ERGIC1: variants seen among roughly 807,000 people sequenced by gnomAD.
ERGIC1 encodes the protein endoplasmic reticulum-Golgi intermediate compartment protein 1.
ERGIC1 carries 19 observed loss-of-function variants against 38.3 expected under a neutral mutation model. That is an observed-to-expected ratio of 0.50 (90% CI 0.35 to 0.73). ERGIC1 has a LOEUF of 0.73. Ranked by LOEUF, ERGIC1 falls within the 30% of genes least tolerant of loss-of-function variation. ERGIC1 has a pLI of 0.01. For synonymous variants in ERGIC1, 124 were observed against 157.6 expected (o/e 0.79, Z 1.60); for missense variants, 294 against 389.2 (o/e 0.76, Z 2.06).
rs897395390 is a variant in ERGIC1 at position 172,923,944 on chromosome 5, C to T, written c.376-61C>T. ...CTCCCTGGATCACACAGGGTGAGGCCCCAATGTTCCGCCCCCTGGAGAAGT... is the reference window on the plus strand; with the variant it reads ...CTCCCTGGATCACACAGGGTGAGGCTCCAATGTTCCGCCCCCTGGAGAAGT... On this transcript the variant is annotated intron_variant, in intron 5 of 9. Transcript: ENST00000393784. 4 of 1,458,790 alleles carry T rather than the reference C, an allele frequency of 2.7e-6. No individual in the cohort carries two copies. The African/African-American group carries it at 4.2e-5, about 15-fold the overall frequency. 90.4% of individuals were successfully genotyped at this position (1,458,790 alleles called of 1,614,324 possible). A position where few individuals can be genotyped will look rare whatever the true frequency, so the allele number is the denominator to read the frequency against.
At position 172,849,904 on chromosome 5, in the gene ERGIC1, G is replaced by A. The variant is rs115933855; in HGVS notation, c.20+15471G>A. On this transcript the variant is annotated intron_variant, in intron 1 of 9. Transcript: ENST00000393784. ...GTAAAAACATTCACTCAGCATCTCT[G>A]GGGTATCAGGAGCAGTGCTACAAAC... Among the ~76,000 whole-genome samples, 793 of 152,306 alleles carry A rather than the reference G, an allele frequency of 5.2e-3. 10 individuals are homozygous for A. The highest frequency in any genetic ancestry group is 0.018 in the African/African-American group (739 of 41,562).
Position 172,834,417 on chromosome 5 carries a change from C to A in ERGIC1, c.4C>A (p.Pro2Thr). 7.5e-7 allele frequency: 1 copy of A among 1,337,334 alleles called. No homozygotes were observed. The highest frequency in any genetic ancestry group is 1.9e-5 in the South Asian group (1 of 51,726). The allele number at this position is 1,337,334 out of a possible 1,614,324, so 82.8% of individuals were successfully genotyped here. MPFDFRRFDIYR... is the reference protein window; with the variant it reads MTFDFRRFDIYR... ...TCCCACCCCCGGCGGCGGCACGATGCCCTTTGACTTCAGGAGGTGAGTGTG... is the reference window on the plus strand; with the variant it reads ...TCCCACCCCCGGCGGCGGCACGATGACCTTTGACTTCAGGAGGTGAGTGTG... The change falls in exon 1 of 10, where the codon CCC becomes ACC. Residue 2 changes from proline (P) to threonine (T), a missense_variant. Pro to Thr is a conservative substitution (Grantham distance 38). Around this residue, in one of 3 missense-constraint regions of ERGIC1, gnomAD observed 163 missense variants for 225.8 expected, o/e 0.72. Coordinates refer to ENST00000393784, the MANE Select transcript of ERGIC1 (RefSeq NM_001031711.3). The surrounding 1 kb of genome is among the most constrained non-coding windows in gnomAD (Gnocchi z 4.1).
At chr5:172,873,102 G>A (rs778585161) in intron 1 of ERGIC1, among the ~76,000 whole-genome samples, 10 of 152,252 alleles carry the variant, frequency 6.6e-5, no homozygotes, top group Non-Finnish European at 8.8e-5. Context: ...GCCGCTCAGC[G>A]TTTAAATGCC....
intron 1 of ERGIC1, among the ~76,000 whole-genome samples, chr5:172,872,599 G>A (rs1762043944): frequency 6.6e-6 from 1 of 152,130 alleles, no homozygotes; most frequent in East Asian, 1.9e-4. Flanking sequence ...TGGATCACTT[G>A]AGGCCAGGAG....
chr5:172,941,285 C>A (rs2113483364), intron 9 of ERGIC1, among the ~76,000 whole-genome samples: 1 of 152,132 alleles, frequency 6.6e-6, no homozygotes, highest in African/African-American at 2.4e-5. Context: ...TTTTCCCTAG[C>A]CAGACAGGAT....
At chr5:172,877,475 T>G (rs1762176029) in intron 1 of ERGIC1, among the ~76,000 whole-genome samples, 1 of 141,620 alleles carries the variant, frequency 7.1e-6, no homozygotes, top group African/African-American at 2.6e-5. Flanking sequence ...TTTTTTTTTT[T>G]TGAGATGGAG....
intron 1 of ERGIC1, chr5:172,867,210 G>A (rs1182273946): frequency 4.4e-6 from 2 of 455,576 alleles, no homozygotes; most frequent in Admixed American, 2.4e-5. Flanking sequence ...GGAAAGTGGG[G>A]ATGCTGGCAG....
intron 3 of ERGIC1, among the ~76,000 whole-genome samples, chr5:172,909,168 C>CCTTTTTTTTTT (rs1561730358): frequency 1.1e-4 from 9 of 80,864 alleles, no homozygotes; most frequent in South Asian, 5.1e-4. Flanking sequence ...GCCCTCCCCT[C>CCTTTTTTTTTT]TTTTTTTTTT....
chr5:172,893,438 A>G (rs1398777794), intron 2 of ERGIC1, among the ~76,000 whole-genome samples: 1 of 152,064 alleles, frequency 6.6e-6, no homozygotes, highest in Non-Finnish European at 1.5e-5. Context: ...ATGAGCCACC[A>G]TGCCCGGCAA....
chr5:172,885,421 AT>A (rs1314138143), intron 1 of ERGIC1, among the ~76,000 whole-genome samples: 1 of 152,076 alleles, frequency 6.6e-6, no homozygotes, highest in Non-Finnish European at 1.5e-5. Context: ...GGCAAGAGCC[AT>A]CGTGTACAGC....
intron 1 of ERGIC1, among the ~76,000 whole-genome samples, chr5:172,871,445 G>C (rs900393156): frequency 2.0e-5 from 3 of 152,194 alleles, no homozygotes; most frequent in Admixed American, 1.3e-4. Context: ...TGTCTGATGA[G>C]CCCCATCCGA....
At chr5:172,905,151 C>T (rs1762984511) in intron 3 of ERGIC1, 1 of 200,058 alleles carries the variant, frequency 5.0e-6, no homozygotes, top group Admixed American at 4.8e-5. Context: ...CCCACAATCC[C>T]TCAGTGCTGT....
At chr5:172,934,961 G>A (rs1387001567) in intron 8 of ERGIC1, 2 of 559,726 alleles carry the variant, frequency 3.6e-6, no homozygotes, top group East Asian at 2.9e-5. Flanking sequence ...AGCTCACTTG[G>A]TCAATTTCTA....
intron 3 of ERGIC1, among the ~76,000 whole-genome samples, chr5:172,902,320 C>G (rs1202384412): frequency 3.3e-5 from 5 of 152,118 alleles, no homozygotes; most frequent in Non-Finnish European, 7.4e-5. Flanking sequence ...GTGGCTTAAC[C>G]AGGAGGAGGA....
At chr5:172,878,677 A>C (rs1177682063) in intron 1 of ERGIC1, among the ~76,000 whole-genome samples, 1 of 152,062 alleles carries the variant, frequency 6.6e-6, no homozygotes, top group African/African-American at 2.4e-5. Flanking sequence ...GTATGAACTC[A>C]TCTTAGTAGT....
intron 1 of ERGIC1, among the ~76,000 whole-genome samples, chr5:172,885,730 TAGG>T (rs995662102): frequency 9.2e-5 from 14 of 152,072 alleles, no homozygotes; most frequent in African/African-American, 2.9e-4. Context: ...TCTCCAGTCT[TAGG>T]AGAACCCACA....
rs924062604 is a variant in ERGIC1 at position 172,851,699 on chromosome 5, G to A, written c.20+17266G>A. ...GTCACCTCAGGGGCTTCAGGTGCCC[G>A]AGGACCCCTCTGAGACATGAGGACA... On this transcript the variant is annotated intron_variant, in intron 1 of 9. Transcript: ENST00000393784. 3.3e-5 allele frequency among the ~76,000 whole-genome samples: 5 copies of A among 152,078 alleles called. No homozygotes were observed. The East Asian group carries it at 5.8e-4, about 18-fold the overall frequency.
chr5:172,870,782 A>G (rs927767892), intron 1 of ERGIC1, among the ~76,000 whole-genome samples: 5 of 152,042 alleles, frequency 3.3e-5, no homozygotes, highest in Admixed American at 2.0e-4. Flanking sequence ...GCCTGCCTGG[A>G]TCTCCTCTGC....
At chr5:172,858,178 G>T (rs1761604086) in intron 1 of ERGIC1, among the ~76,000 whole-genome samples, 1 of 152,220 alleles carries the variant, frequency 6.6e-6, no homozygotes, top group Non-Finnish European at 1.5e-5. Context: ...GAGAGGCAGG[G>T]AGGCCCAGGT....
Sources: gnomAD v4.1 joint callset for allele counts (sites outside exome capture counted in the v4.1 genomes callset) on GRCh38, gnomAD v4.1.1 for gene constraint, gnomAD v4.1.1 regional missense constraint, Gnocchi (gnomAD v3.1) non-coding constraint, MANE v1.5 for transcripts, NCBI Gene and HGNC (gene_info 2026-07-23, HGNC 2026-07-21) for gene names.